C5orf15: variants seen among roughly 807,000 people sequenced by gnomAD.
C5orf15 encodes the protein keratinocyte-associated transmembrane protein 2.
In C5orf15, 10 loss-of-function variants were observed where a neutral mutation model predicts 17.8. The ratio of observed to expected loss-of-function variants is 0.56; its 90% CI spans 0.35 to 0.95. The LOEUF (loss-of-function observed/expected upper bound fraction) is 0.95. Ranked by LOEUF, C5orf15 falls within the 40% of genes least tolerant of loss-of-function variation. The probability of loss-of-function intolerance (pLI) is 0.02; values close to 1 mark genes in which losing one functional copy is unlikely to be tolerated. For synonymous variants in C5orf15, 124 were observed against 131.0 expected (o/e 0.95, Z 0.36); for missense variants, 319 against 331.7 (o/e 0.96, Z 0.30).
At chr5:133,967,421 A>C (rs1049908214) in intron 1 of C5orf15, 11 of 152,250 alleles carry the variant, frequency 7.2e-5, no homozygotes, top group Admixed American at 2.0e-4. Context: ...TGCAGCTGAA[A>C]ATTCAAATTT....
At chr5:133,960,718 C>A (rs1176325168) in intron 1 of C5orf15, among the ~76,000 whole-genome samples, 1 of 152,046 alleles carries the variant, frequency 6.6e-6, no homozygotes, top group Non-Finnish European at 1.5e-5. Context: ...CAAATGACAC[C>A]AAATACACAC....
chr5:133,959,973 T>C lies in C5orf15; in HGVS notation c.187A>G (p.Ile63Val). ...SPSPTVLNSH[I>V]STPNVNALTH... ...AAAGCATTCACATTTGGGGTAGAAA[T>C]ATGTGAGTTGAGTACGGTTGGGCTC... is the stretch of plus-strand genomic sequence containing the variant. The change falls in exon 2 of 3, where the codon ATT (isoleucine) becomes GTT (valine). Residue 63 changes from isoleucine to valine, a missense_variant. By Grantham distance (29) the Ile-to-Val change is conservative. Coordinates refer to ENST00000231512, the MANE Select transcript of C5orf15 (RefSeq NM_020199.3). 1 of 1,613,954 alleles carries C rather than the reference T, an allele frequency of 6.2e-7. No homozygotes were observed. Among genetic ancestry groups the C allele is most frequent in the Non-Finnish European group, 8.5e-7 (1 of 1,179,926 alleles).
chr5:133,964,683 C>T (rs1030422315), intron 1 of C5orf15, among the ~76,000 whole-genome samples: 2 of 152,134 alleles, frequency 1.3e-5, no homozygotes, highest in African/African-American at 2.4e-5. Flanking sequence ...AAAACTTGTT[C>T]TACTTAGTCT....
intron 1 of C5orf15, among the ~76,000 whole-genome samples, chr5:133,966,861 C>T (rs879909570): frequency 6.6e-6 from 1 of 152,136 alleles, no homozygotes; most frequent in Non-Finnish European, 1.5e-5. Flanking sequence ...ACATTTTAAA[C>T]TGGTGTATGT....
At chr5:133,957,142 A>C (rs1752052859) in intron 2 of C5orf15, 152 bp from the exon 3 acceptor site, 1 of 634,322 alleles carries the variant, frequency 1.6e-6, no homozygotes. Flanking sequence ...AGGCAGGCAG[A>C]TCACTTGAGC....
At chr5:133,958,426 A>C (rs1580697578) in intron 2 of C5orf15, among the ~76,000 whole-genome samples, 1 of 151,890 alleles carries the variant, frequency 6.6e-6, no homozygotes, top group East Asian at 1.9e-4. Context: ...AAAATACGAA[A>C]ATTAGCCAGG....
chr5:133,962,255 T>G (rs1005740329), intron 1 of C5orf15, among the ~76,000 whole-genome samples: 3 of 152,206 alleles, frequency 2.0e-5, no homozygotes, highest in African/African-American at 7.2e-5. Flanking sequence ...CACCACGCAG[T>G]ATAGAATTCA....
At chr5:133,965,746 C>G (rs141281457) in intron 1 of C5orf15, among the ~76,000 whole-genome samples, 1 of 151,934 alleles carries the variant, frequency 6.6e-6, no homozygotes, top group Non-Finnish European at 1.5e-5. Context: ...GCCAACATGG[C>G]AAAACCCCAT....
chr5:133,966,438 G>A (rs1199245153), intron 1 of C5orf15, among the ~76,000 whole-genome samples: 1 of 152,070 alleles, frequency 6.6e-6, no homozygotes, highest in Non-Finnish European at 1.5e-5. Context: ...CAAATGTAGA[G>A]AACCAGGCAT....
At chr5:133,965,971 T>A (rs1752184843) in intron 1 of C5orf15, among the ~76,000 whole-genome samples, 1 of 150,612 alleles carries the variant, frequency 6.6e-6, no homozygotes, top group Non-Finnish European at 1.5e-5. Context: ...AGGCCTGTAA[T>A]CCCAGCACTT....
intron 2 of C5orf15, among the ~76,000 whole-genome samples, chr5:133,957,539 G>A (rs1383468195): frequency 1.3e-5 from 2 of 152,154 alleles, no homozygotes; most frequent in Non-Finnish European, 2.9e-5. Flanking sequence ...TGTTTAACAA[G>A]TCCCTTTGAT....
intron 1 of C5orf15, chr5:133,967,408 T>C (rs1009147366): frequency 6.6e-6 from 1 of 152,192 alleles, no homozygotes. Context: ...GGTCACACTG[T>C]TTTGCAGCTG....
At chr5:133,960,644 G>A (rs577793418) in intron 1 of C5orf15, among the ~76,000 whole-genome samples, 45 of 152,278 alleles carry the variant, frequency 3.0e-4, no homozygotes, top group African/African-American at 8.7e-4. Flanking sequence ...CATCCGAAAC[G>A]GGAACCTGAG....
chr5:133,963,788 A>T (rs369247359), intron 1 of C5orf15, among the ~76,000 whole-genome samples: 11 of 143,822 alleles, frequency 7.6e-5, no homozygotes, highest in Admixed American at 1.4e-4. Flanking sequence ...TCGCTTTGTC[A>T]CTTAGGCTGG....
rs761369399 is a variant in C5orf15 at position 133,968,521 on chromosome 5, C to T, written c.64G>A (p.Ala22Thr). 5 of 1,607,174 alleles carry T rather than the reference C, an allele frequency of 3.1e-6. No homozygotes were observed. In the East Asian group the frequency reaches 9.0e-5, roughly 29 times the overall value. Residue 22 changes from alanine (A) to threonine (T), a missense_variant, in exon 1 of 3, where the codon GCC (alanine) becomes ACC (threonine). Transcript: ENST00000231512. ...GCCAACCCCACAAGGGCTTGGATGG[C>T]CGACCCGGGCAGCAGTTTCGCTTGT... ...PAQAKLLPGS[A>T]IQALVGLARP...
At chr5:133,965,567 TA>T (rs1400316917) in intron 1 of C5orf15, among the ~76,000 whole-genome samples, 1 of 152,200 alleles carries the variant, frequency 6.6e-6, no homozygotes, top group African/African-American at 2.4e-5. Context: ...AGCATATAAA[TA>T]AGACTTCTAA....
At chr5:133,961,893 A>C (rs1193010639) in intron 1 of C5orf15, among the ~76,000 whole-genome samples, 3 of 152,092 alleles carry the variant, frequency 2.0e-5, no homozygotes, top group African/African-American at 7.2e-5. Flanking sequence ...AAAACTCTTA[A>C]AACATTTTCA....
At chr5:133,963,610 CCAGG>C (rs1752151559) in intron 1 of C5orf15, among the ~76,000 whole-genome samples, 1 of 152,048 alleles carries the variant, frequency 6.6e-6, no homozygotes, top group Non-Finnish European at 1.5e-5. Context: ...CTCATATATC[CCAGG>C]CTAAAGACAA....
rs760835895 is a variant in C5orf15, at chr5:133,956,890, G to A, written c.767C>T (p.Ser256Phe). ...LDQNVNEAMP[S>F]LKITNDYIF is the part of the protein sequence containing the mutation. ...AATATAATCATTGGTAATCTTCAAAGAAGGCATTGCCTCATTAACATTCTG... is the reference window on the plus strand; with the variant it reads ...AATATAATCATTGGTAATCTTCAAAAAAGGCATTGCCTCATTAACATTCTG... The change falls in exon 3 of 3, where the codon TCT becomes TTT. Residue 256 changes from serine to phenylalanine, a missense_variant. Ser to Phe is a radical substitution (Grantham distance 155, BLOSUM62 -2). Coordinates refer to ENST00000231512, the MANE Select transcript of C5orf15 (RefSeq NM_020199.3). 1 of 1,598,170 alleles carries A rather than the reference G, an allele frequency of 6.3e-7. No homozygotes were observed. The highest frequency in any genetic ancestry group is 1.1e-5 in the South Asian group (1 of 87,124).
Sources: gnomAD v4.1 joint callset for allele counts (sites outside exome capture counted in the v4.1 genomes callset) on GRCh38, gnomAD v4.1.1 for gene constraint, MANE v1.5 for transcripts, NCBI Gene and HGNC (gene_info 2026-07-23, HGNC 2026-07-21) for gene names.